Variants in OGFRL1 observed in about 807,000 individuals in gnomAD.
OGFRL1 encodes opioid growth factor receptor-like protein 1.
Under a neutral mutation model 32.4 loss-of-function variants are expected in OGFRL1, and 26 were observed. The ratio of observed to expected loss-of-function variants is 0.80; its 90% CI spans 0.59 to 1.11. The LOEUF is 1.11. Among genes scored for constraint, OGFRL1 ranks in the 50% most tolerant of loss-of-function variants. The pLI is 0.00. For missense variants in OGFRL1, 521 were observed against 546.4 expected (o/e 0.95, Z 0.46); for synonymous variants, 211 against 201.2 (o/e 1.05, Z -0.41).
intron 6 of OGFRL1, among the ~76,000 whole-genome samples, chr6:71,298,998 C>T (rs142712587): frequency 2.0e-4 from 30 of 152,118 alleles, no homozygotes; most frequent in African/African-American, 6.7e-4. Context: ...AGTGAACAAG[C>T]GACCTTGACT....
In OGFRL1 at chr6:71,288,961, A is replaced by G; in HGVS notation, c.25A>G (p.Ser9Gly). Residue 9 changes from serine to glycine, a missense_variant, in exon 1 of 7, where the codon AGC becomes GGC. Coordinates refer to ENST00000370435, the MANE Select transcript of OGFRL1 (RefSeq NM_024576.5). ...AATGGGCAACCTGCTCGGCGGGGTC[A>G]GCTTCCGCGAGCCCACCACCGTGGA... is the stretch of plus-strand genomic sequence containing the variant. MGNLLGGV[S>G]FREPTTVEDC... is the part of the protein sequence containing the mutation. 1.4e-6 allele frequency: 2 copies of G among 1,385,204 alleles called. No individual in the cohort carries two copies. The highest frequency in any genetic ancestry group is 1.9e-6 in the Non-Finnish European group (2 of 1,054,312). 85.8% of individuals were successfully genotyped at this position (1,385,204 alleles called of 1,614,324 possible).
In OGFRL1 at chr6:71,306,283, T is replaced by C. The variant is rs1400121000; in HGVS notation, c.*4234T>C. ...CATTTGCTGGCTTCTTTTTGAGTTT[T>C]GTACTGTTTATTACAGGAACATATT... On this transcript the variant is annotated 3_prime_UTR_variant, in exon 7 of 7. Transcript: ENST00000370435. The C allele has an allele frequency of 2.6e-5, 4 of 152,212 alleles. No homozygotes were observed. Among genetic ancestry groups the C allele is most frequent in the Non-Finnish European group, 4.4e-5 (3 of 68,032 alleles). 9.4% of individuals were successfully genotyped at this position (152,212 alleles called of 1,614,324 possible). A position where few individuals can be genotyped will look rare whatever the true frequency, so the allele number is the denominator to read the frequency against.
intron 5 of OGFRL1, 41 bp downstream of exon 5, chr6:71,296,602 A>G: frequency 6.2e-7 from 1 of 1,607,276 alleles, no homozygotes. Context: ...GTGGCCAAAT[A>G]ATATTGCTAT....
At chr6:71,289,258 G>T in intron 1 of OGFRL1, 88 bp downstream of exon 1, 1 of 1,015,428 alleles carries the variant, frequency 9.8e-7, no homozygotes, top group Non-Finnish European at 1.2e-6. Flanking sequence ...GCGCTCGGAG[G>T]CCAGGGGCGC....
rs755782025 is a variant in OGFRL1 at position 71,296,431 on chromosome 6, A to G, written c.479+36A>G. On this transcript the variant is annotated intron_variant, in intron 4 of 6. Coordinates refer to ENST00000370435, the MANE Select transcript of OGFRL1 (RefSeq NM_024576.5). ...TATTATCTATCTTGAACCATGTCCT[A>G]TTTAATCATGTATGTTTTCCAGACA... is the stretch of plus-strand genomic sequence containing the variant. 5 of 1,597,476 alleles carry G rather than the reference A, an allele frequency of 3.1e-6. No individual in the cohort carries two copies. In the South Asian group the frequency reaches 3.4e-5, roughly 11 times the overall value.
At chr6:71,290,019 G>A (rs1765998894) in intron 1 of OGFRL1, among the ~76,000 whole-genome samples, 2 of 152,278 alleles carry the variant, frequency 1.3e-5, no homozygotes, top group Middle Eastern at 3.4e-3. Flanking sequence ...TGACCACAGG[G>A]TTTTGGGGGA....
At chr6:71,289,403 G>A (rs1425712926) in intron 1 of OGFRL1, 7 of 984,902 alleles carry the variant, frequency 7.1e-6, no homozygotes, top group Admixed American at 6.2e-5. Flanking sequence ...CCGAGGGCAC[G>A]GCGAGGAAGT....
intron 1 of OGFRL1, chr6:71,289,596 T>C: frequency 1.1e-6 from 1 of 900,818 alleles, no homozygotes; most frequent in Non-Finnish European, 1.3e-6. Flanking sequence ...CAGAATAAGG[T>C]GGGGCTACAA....
chr6:71,296,181 CT>C (rs111620246), intron 3 of OGFRL1, 135 bp from the exon 4 acceptor site: 1 of 618,054 alleles, frequency 1.6e-6, no homozygotes, highest in East Asian at 2.8e-5. Flanking sequence ...GGGTATTCAT[CT>C]TTTTAAAAGC....
At chr6:71,294,977 G>A (rs1284959038) in intron 3 of OGFRL1, among the ~76,000 whole-genome samples, 1 of 152,048 alleles carries the variant, frequency 6.6e-6, no homozygotes, top group Non-Finnish European at 1.5e-5. Flanking sequence ...GTAATTTCAA[G>A]CAATATATTG....
Position 71,301,509 on chromosome 6 carries a change from TC to T in OGFRL1, c.819del (p.Asn274IlefsTer7), listed in dbSNP as rs750743575. On this transcript the variant is annotated frameshift_variant, in exon 7 of 7. Transcript: ENST00000370435. LOFTEE classifies it low-confidence loss of function (END_TRUNC). The stretch of plus-strand genomic sequence containing the variant: ...ATGAAGCTCTTGTGGAGAATACTAT[TC>T]CCAATATTAAGCAGAGTGCTCTAGA... Reference protein sequence around the residue: ...LHEALVENTIPNIKQSALEYF... With the variant: ...LHEALVENTIXNIKQSALEYF... The T allele has an allele frequency of 1.2e-6, 2 of 1,614,050 alleles. No homozygotes were observed. The highest frequency in any genetic ancestry group is 1.7e-6 in the Non-Finnish European group (2 of 1,180,006).
chr6:71,293,452 T>C, intron 2 of OGFRL1, 73 bp downstream of exon 2: 1 of 1,558,894 alleles, frequency 6.4e-7, no homozygotes, highest in Non-Finnish European at 8.8e-7. Flanking sequence ...ATGGTGCCAC[T>C]GAGAAAACAT....
chr6:71,289,122 C>A lies in OGFRL1; in HGVS notation c.186C>A (p.Gly62=). The change falls in exon 1 of 7, where the codon GGC becomes GGA. Residue 62 remains glycine, a synonymous_variant. Transcript: ENST00000370435. ...CGGAGCAAGCCGGCGGGCGGCCCGG[C>A]GCCAGCCCCGCGCCGGACGAGGACG... ...QPPEQAGGRP[G]ASPAPDEDAE... is the part of the protein sequence containing the mutation. 9.0e-7 allele frequency: 1 copy of A among 1,108,430 alleles called. No individual in the cohort carries two copies. Among genetic ancestry groups the A allele is most frequent in the Non-Finnish European group, 1.1e-6 (1 of 910,790 alleles). 68.7% of individuals were successfully genotyped at this position (1,108,430 alleles called of 1,614,324 possible). A position where few individuals can be genotyped will look rare whatever the true frequency, so the allele number is the denominator to read the frequency against.
chr6:71,289,259 C>T (rs1353812520), intron 1 of OGFRL1, 89 bp downstream of exon 1: 16 of 1,015,336 alleles, frequency 1.6e-5, no homozygotes, highest in Admixed American at 5.8e-5. Flanking sequence ...CGCTCGGAGG[C>T]CAGGGGCGCC....
chr6:71,295,501 A>G (rs1181317663), intron 3 of OGFRL1: 1 of 152,210 alleles, frequency 6.6e-6, no homozygotes, highest in African/African-American at 2.4e-5. Flanking sequence ...TTGTAGAGGA[A>G]AAGTGGACAG....
chr6:71,301,299 A>G, intron 6 of OGFRL1, 87 bp from the exon 7 acceptor site: 2 of 1,138,566 alleles, frequency 1.8e-6, no homozygotes, highest in Non-Finnish European at 2.5e-6. Context: ...TTACATTTCC[A>G]TAAAAAATAT....
rs1212515183 is a variant in OGFRL1, at chr6:71,296,357, T to C, written c.441T>C (p.Asp147=). ...AAGTTCTAAGTAAATGGAAAGGAGATTATGAAAAACTGGAGCACAACCACA... is the reference window on the plus strand; with the variant it reads ...AAGTTCTAAGTAAATGGAAAGGAGACTATGAAAAACTGGAGCACAACCACA... ...IEEVLSKWKG[D]YEKLEHNHTY... is the part of the protein sequence containing the mutation. Residue 147 remains aspartate (D), a synonymous_variant, in exon 4 of 7, where the codon GAT becomes GAC. Coordinates refer to ENST00000370435, the MANE Select transcript of OGFRL1 (RefSeq NM_024576.5). 2 of 1,611,168 alleles carry C rather than the reference T, an allele frequency of 1.2e-6. No individual in the cohort carries two copies. The highest frequency in any genetic ancestry group is 2.2e-5 in the East Asian group (1 of 44,782).
At chr6:71,300,697 TTTTCCCCATTTTACAG>T (rs534917284) in intron 6 of OGFRL1, among the ~76,000 whole-genome samples, 3 of 152,172 alleles carry the variant, frequency 2.0e-5, no homozygotes, top group Non-Finnish European at 4.4e-5. Context: ...TTGTGGGCAC[TTTTCCCCATTTTACAG>T]ATGAGGATAT....
chr6:71,304,836 ATAACT>A lies in OGFRL1; in HGVS notation c.*2790_*2794del, dbSNP rs1766498675. On this transcript the variant is annotated 3_prime_UTR_variant, in exon 7 of 7. Coordinates refer to ENST00000370435, the MANE Select transcript of OGFRL1 (RefSeq NM_024576.5). Reference sequence around the variant, plus strand: ...TATGTTTCTTACATTTAATCCCTAAATAACTTAGATAATCATTCAGTGGAGAACAA... The same window carrying A: ...TATGTTTCTTACATTTAATCCCTAAATAGATAATCATTCAGTGGAGAACAA... 1 of 152,094 alleles carries A rather than the reference ATAACT, an allele frequency of 6.6e-6. No homozygotes were observed. The highest frequency in any genetic ancestry group is 1.5e-5 in the Non-Finnish European group (1 of 67,930). The allele number at this position is 152,094 out of a possible 1,614,324, so 9.4% of individuals were successfully genotyped here.
Sources: allele counts gnomAD v4.1 joint callset (sites outside exome capture counted in the v4.1 genomes callset), GRCh38; gene constraint gnomAD v4.1.1; transcripts MANE v1.5; gene names NCBI Gene and HGNC (gene_info 2026-07-23, HGNC 2026-07-21).